SCN2A: variants seen among roughly 807,000 people sequenced by gnomAD.
SCN2A encodes sodium voltage-gated channel alpha subunit 2.
Under a neutral mutation model 188.7 loss-of-function variants are expected in SCN2A, and 20 were observed. The ratio of observed to expected loss-of-function variants is 0.11; its 90% confidence interval spans 0.07 to 0.15. The LOEUF (loss-of-function observed/expected upper bound fraction) is 0.15, where lower values mean the gene tolerates loss of function less well. Ranked by LOEUF, SCN2A falls within the 10% of genes least tolerant of loss-of-function variation. The probability of loss-of-function intolerance (pLI) is 1.00; values close to 1 mark genes in which losing one functional copy is unlikely to be tolerated. For missense variants in SCN2A, 1,278 were observed against 2,445.0 expected (o/e 0.52, Z 10.07); for synonymous variants, 804 against 833.1 (o/e 0.97, Z 0.60).
chr2:165,255,794 C>T (rs891080820), intron 1 of SCN2A, among the ~76,000 whole-genome samples: 2 of 152,070 alleles, frequency 1.3e-5, no homozygotes, highest in Admixed American at 6.6e-5. Flanking sequence ...TCAGTTGATA[C>T]GCAAATATTT....
Position 165,390,024 on chromosome 2 carries a change from G to A in SCN2A, c.*200G>A, listed in dbSNP as rs1215373549. On this transcript the variant is annotated 3_prime_UTR_variant, in exon 27 of 27. Transcript: ENST00000375437. ...CTCAGTAAACTGGAGAAATAGTATCGATGGGAGGTTTCTATTTTCACAACC... is the reference window on the plus strand; with the variant it reads ...CTCAGTAAACTGGAGAAATAGTATCAATGGGAGGTTTCTATTTTCACAACC... 1.5e-5 allele frequency: 12 copies of A among 792,302 alleles called. No individual in the cohort carries two copies. Among genetic ancestry groups the A allele is most frequent in the Non-Finnish European group, 2.1e-5 (11 of 526,776 alleles). 49.1% of individuals were successfully genotyped at this position (792,302 alleles called of 1,614,324 possible). A position where few individuals can be genotyped will look rare whatever the true frequency, so the allele number is the denominator to read the frequency against.
intron 12 of SCN2A, among the ~76,000 whole-genome samples, chr2:165,325,824 T>C (rs1698328446): frequency 6.6e-6 from 1 of 152,194 alleles, no homozygotes; most frequent in Admixed American, 6.5e-5. Flanking sequence ...GTGACAATCA[T>C]ATGCAATGAG....
At chr2:165,387,679 A>G (rs1034565083) in intron 26 of SCN2A, among the ~76,000 whole-genome samples, 4 of 152,148 alleles carry the variant, frequency 2.6e-5, no homozygotes, top group Non-Finnish European at 4.4e-5. Flanking sequence ...TATGTATAAG[A>G]TATTAAATGA....
At chr2:165,332,083 A>T (rs925253403) in intron 14 of SCN2A, among the ~76,000 whole-genome samples, 2 of 151,912 alleles carry the variant, frequency 1.3e-5, no homozygotes, top group Admixed American at 1.3e-4. Context: ...GTTAAAATAT[A>T]TATTAGCATT....
chr2:165,345,606 G>A (rs1401001852), intron 16 of SCN2A, among the ~76,000 whole-genome samples: 1 of 148,878 alleles, frequency 6.7e-6, no homozygotes, highest in African/African-American at 2.5e-5. Context: ...TTGTGCCTAT[G>A]TGTGTCTTTG....
intron 26 of SCN2A, 123 bp from the exon 27 acceptor site, chr2:165,388,506 T>C: frequency 7.6e-7 from 1 of 1,309,668 alleles, no homozygotes; most frequent in African/African-American, 1.5e-5. Context: ...TTGCAGATTA[T>C]TTGCATATAT....
chr2:165,296,863 A>T (rs1232796310), intron 2 of SCN2A, 154 bp from the exon 3 acceptor site: 1 of 493,610 alleles, frequency 2.0e-6, no homozygotes. Context: ...GCTCAGAAAA[A>T]AAAAGCATCT....
At chr2:165,253,481 A>G in intron 1 of SCN2A, among the ~76,000 whole-genome samples, 1 of 152,158 alleles carries the variant, frequency 6.6e-6, no homozygotes, top group East Asian at 1.9e-4. Context: ...ACTTCATGAC[A>G]TGTAAAAATT....
Position 165,326,909 on chromosome 2 carries a change from A to G in SCN2A, c.2074A>G (p.Met692Val), listed in dbSNP as rs771488290. 40 of 1,613,910 alleles carry G rather than the reference A, an allele frequency of 2.5e-5. No homozygotes were observed. The highest frequency in any genetic ancestry group is 3.1e-5 in the Non-Finnish European group (37 of 1,179,926). ...ACGGTCCAGTTCTTATCATGTTTCC[A>G]TGGATTTATTGGAAGATCCTACATC... ...KRRSSSYHVS[M>V]DLLEDPTSRQ... Residue 692 changes from methionine (M) to valine (V), a missense_variant, in exon 13 of 27, where the codon ATG becomes GTG. Around this residue, in one of 17 missense-constraint regions of SCN2A, gnomAD observed 315 missense variants for 386.6 expected, o/e 0.81. Transcript: ENST00000375437.
chr2:165,315,276 G>A (rs2105258948), intron 10 of SCN2A, among the ~76,000 whole-genome samples, 195 bp from the exon 11 acceptor site: 1 of 152,268 alleles, frequency 6.6e-6, no homozygotes, highest in Non-Finnish European at 1.5e-5. Flanking sequence ...AAAGTCGTAT[G>A]TATCATCTTC....
intron 3 of SCN2A, among the ~76,000 whole-genome samples, chr2:165,306,760 T>G (rs918447182): frequency 1.3e-5 from 2 of 152,104 alleles, no homozygotes; most frequent in Non-Finnish European, 2.9e-5. Context: ...ATTGTCCAGT[T>G]GTAATAGTGT....
chr2:165,265,827 T>G (rs559978113), intron 1 of SCN2A, among the ~76,000 whole-genome samples: 162 of 151,712 alleles, frequency 1.1e-3, no homozygotes, highest in African/African-American at 3.8e-3. Flanking sequence ...CTTTCTTCTT[T>G]TTTTTCTCTT....
At chr2:165,355,956 C>T (rs1366627300) in intron 17 of SCN2A, among the ~76,000 whole-genome samples, 1 of 150,912 alleles carries the variant, frequency 6.6e-6, no homozygotes, top group Non-Finnish European at 1.5e-5. Flanking sequence ...CCGAGATCAC[C>T]CCATTGCACT....
At chr2:165,312,552 G>A (rs1697494182) in intron 8 of SCN2A, among the ~76,000 whole-genome samples, 1 of 152,082 alleles carries the variant, frequency 6.6e-6, no homozygotes, top group African/African-American at 2.4e-5. Context: ...GTCAGACTTT[G>A]ACTCCATCAT....
intron 1 of SCN2A, among the ~76,000 whole-genome samples, chr2:165,245,148 T>A (rs1430536036): frequency 1.3e-5 from 2 of 152,188 alleles, no homozygotes; most frequent in African/African-American, 4.8e-5. Context: ...TTTTCCTTCT[T>A]TTCTGTGTGA....
rs546781454 is a variant in SCN2A at position 165,263,962 on chromosome 2, T to C, written c.-52+24322T>C. ...CTCAGCTTGGCCACTGTTGGTAGTA[T>C]AGCAGAGCTACTGAGTTGGGTACAT... On this transcript the variant is annotated intron_variant, in intron 1 of 26. Coordinates refer to ENST00000375437, the MANE Select transcript of SCN2A (RefSeq NM_001040142.2). Among the ~76,000 whole-genome samples, 4 of 152,176 alleles carry C rather than the reference T, an allele frequency of 2.6e-5. No homozygotes were observed. The East Asian group carries it at 7.7e-4, about 29-fold the overall frequency.
At position 165,389,534 on chromosome 2, in the gene SCN2A, A is replaced by G. The variant is rs52803844; in HGVS notation, c.5728A>G (p.Ile1910Val). 5 of 1,613,998 alleles carry G rather than the reference A, an allele frequency of 3.1e-6. No homozygotes were observed. The highest frequency in any genetic ancestry group is 4.2e-6 in the Non-Finnish European group (5 of 1,179,966). Residue 1910 changes from isoleucine (I) to valine (V), a missense_variant, in exon 27 of 27, where the codon ATT (isoleucine) becomes GTT (valine). Physicochemically the swap from Ile to Val is conservative, Grantham distance 29. Around this residue, in one of 17 missense-constraint regions of SCN2A, gnomAD observed 109 missense variants for 137.9 expected, o/e 0.79. Transcript: ENST00000375437. This position sits in a 1 kb window ranked among gnomAD's most constrained non-coding sequence, Gnocchi z 4.2. ...ACGCAAACAAGAGGAGGTGTCTGCT[A>G]TTATTATCCAGAGGGCTTACAGACG... Reference protein sequence around the residue: ...LKRKQEEVSAIIIQRAYRRYL... With the variant: ...LKRKQEEVSAVIIQRAYRRYL...
chr2:165,291,588 T>G (rs1305811072), intron 1 of SCN2A, among the ~76,000 whole-genome samples: 1 of 138,902 alleles, frequency 7.2e-6, no homozygotes, highest in Admixed American at 7.7e-5. Flanking sequence ...TCTCTCTCTC[T>G]CTCTCTCTCT....
chr2:165,286,577 A>C (rs997544418), intron 1 of SCN2A, among the ~76,000 whole-genome samples: 4 of 152,250 alleles, frequency 2.6e-5, no homozygotes, highest in African/African-American at 9.6e-5. Context: ...ACCTGGTGTC[A>C]TCACAGGCCT....
Sources: gnomAD v4.1 joint callset for allele counts (sites outside exome capture counted in the v4.1 genomes callset) on GRCh38, gnomAD v4.1.1 for gene constraint, gnomAD v4.1.1 regional missense constraint, Gnocchi (gnomAD v3.1) non-coding constraint, MANE v1.5 for transcripts, NCBI Gene and HGNC (gene_info 2026-07-23, HGNC 2026-07-21) for gene names.